Variants in MTMR8 observed in about 807,000 individuals in gnomAD.
MTMR8 encodes the protein phosphatidylinositol-3,5-bisphosphate 3-phosphatase MTMR8.
In MTMR8, 65 loss-of-function variants were observed where a neutral mutation model predicts 39.3. The observed-to-expected ratio is 1.65, with a 90% CI of 1.35 to 2.03. MTMR8 has a LOEUF of 2.03. Among genes scored for constraint, MTMR8 ranks in the 30% most tolerant of loss-of-function variants. MTMR8 has a pLI of 0.00. For missense variants in MTMR8, 777 were observed against 538.9 expected (o/e 1.44, Z -4.37); for synonymous variants, 245 against 185.2 (o/e 1.32, Z -2.62).
chrX:64,344,307 G>A (rs1174291009), intron 7 of MTMR8, among the ~76,000 whole-genome samples: 1 of 111,872 alleles, frequency 8.9e-6, no homozygotes, highest in Non-Finnish European at 1.9e-5. Flanking sequence ...TATTTTAAAA[G>A]GGATGCAGAC....
chrX:64,372,597 G>A (rs1924156751), intron 1 of MTMR8, among the ~76,000 whole-genome samples: 1 of 111,419 alleles, frequency 9.0e-6, no homozygotes, highest in Admixed American at 9.6e-5. Context: ...TTTGAGATTG[G>A]CCTTATTCAC....
At chrX:64,378,403 T>C (rs1205060123) in intron 1 of MTMR8, among the ~76,000 whole-genome samples, 1 of 111,258 alleles carries the variant, frequency 9.0e-6, no homozygotes, top group Non-Finnish European at 1.9e-5. Flanking sequence ...TAACTTTTTG[T>C]AGAGAAAAGT....
chrX:64,294,751 A>T (rs1191608117), intron 12 of MTMR8, among the ~76,000 whole-genome samples: 1 of 111,576 alleles, frequency 9.0e-6, no homozygotes, highest in African/African-American at 3.3e-5. Context: ...GAAGGAGAAA[A>T]CAATGTCTCT....
chrX:64,351,641 A>G (rs1251422808), intron 4 of MTMR8, among the ~76,000 whole-genome samples: 1 of 111,733 alleles, frequency 8.9e-6, no homozygotes, highest in East Asian at 2.8e-4. Flanking sequence ...CAAAACCTCT[A>G]AAGTAGGGAA....
chrX:64,382,230 C>T (rs772345533), intron 1 of MTMR8, among the ~76,000 whole-genome samples: 1 of 111,742 alleles, frequency 8.9e-6, no homozygotes, highest in South Asian at 3.8e-4. Flanking sequence ...TCCTCCTGCC[C>T]GTGAGCATGG....
At chrX:64,304,921 TATATACAC>T (rs1258299812) in intron 12 of MTMR8, 4 of 86,319 alleles carry the variant, frequency 4.6e-5, no homozygotes, top group Non-Finnish European at 6.9e-5. Flanking sequence ...CATACATATA[TATATACAC>T]ATATACACAC....
At chrX:64,296,102 C>T (rs959650921) in intron 12 of MTMR8, among the ~76,000 whole-genome samples, 1 of 111,952 alleles carries the variant, frequency 8.9e-6, no homozygotes, top group Non-Finnish European at 1.9e-5. Context: ...TATATCCATA[C>T]AATAGAATAT....
intron 1 of MTMR8, among the ~76,000 whole-genome samples, chrX:64,373,113 T>G (rs1240366813): frequency 8.9e-6 from 1 of 112,202 alleles, no homozygotes; most frequent in Non-Finnish European, 1.9e-5. Context: ...TAATTCCATT[T>G]CATATATGTG....
chrX:64,332,909 C>T (rs1183490138), intron 10 of MTMR8, among the ~76,000 whole-genome samples: 1 of 111,582 alleles, frequency 9.0e-6, no homozygotes, highest in Non-Finnish European at 1.9e-5. Context: ...GGCTGCTCAT[C>T]TTCTTAACTC....
chrX:64,360,292 G>A (rs1226992107), intron 1 of MTMR8: 8 of 244,525 alleles, frequency 3.3e-5, no homozygotes, highest in South Asian at 1.3e-4. Flanking sequence ...ATACAGTCTC[G>A]AACTATATCA....
At chrX:64,317,419 C>T (rs936445477) in intron 12 of MTMR8, among the ~76,000 whole-genome samples, 1 of 111,331 alleles carries the variant, frequency 9.0e-6, no homozygotes, top group African/African-American at 3.3e-5. Context: ...AGACTGGGTA[C>T]TTTCTATTTT....
intron 12 of MTMR8, among the ~76,000 whole-genome samples, chrX:64,319,453 G>A (rs1033895673): frequency 2.7e-5 from 3 of 112,194 alleles, no homozygotes; most frequent in Non-Finnish European, 5.6e-5. Flanking sequence ...ATTGCACTTG[G>A]TGTTTTAGAT....
chrX:64,348,071 G>C (rs5964355), intron 6 of MTMR8, among the ~76,000 whole-genome samples: 26,533 of 110,972 alleles, frequency 0.24, 7,568 homozygotes, highest in African/African-American at 0.82. Flanking sequence ...TCTCTGGGAC[G>C]AAGATTTAAA....
At chrX:64,336,896 T>C (rs1002231293) in intron 9 of MTMR8, among the ~76,000 whole-genome samples, 4 of 112,340 alleles carry the variant, frequency 3.6e-5, no homozygotes, top group South Asian at 3.6e-4. Flanking sequence ...TAAGAGGCTT[T>C]AGATTCAGCA....
chrX:64,357,974 G>A (rs1178509749), intron 2 of MTMR8, among the ~76,000 whole-genome samples: 1 of 111,215 alleles, frequency 9.0e-6, no homozygotes, highest in Non-Finnish European at 1.9e-5. Context: ...GGGTAAATAA[G>A]CCTCCTTTGA....
At chrX:64,308,593 T>C (rs1008698578) in intron 12 of MTMR8, among the ~76,000 whole-genome samples, 1 of 111,471 alleles carries the variant, frequency 9.0e-6, no homozygotes, top group African/African-American at 3.3e-5. Context: ...CCTAATTTTT[T>C]ATTTTCCAAT....
intron 12 of MTMR8, among the ~76,000 whole-genome samples, chrX:64,288,221 G>A (rs1435681919): frequency 3.7e-5 from 4 of 109,367 alleles, no homozygotes; most frequent in African/African-American, 1.3e-4. Flanking sequence ...CTTCTCAAAA[G>A]AAGACATTTA....
rs185366610 is a variant in MTMR8 at position 64,296,467 on chromosome X, T to C, written c.1482-25394A>G. Among the ~76,000 whole-genome samples, 404 of 110,707 alleles carry C rather than the reference T, an allele frequency of 3.6e-3. 1 individual carries two copies. The highest frequency in any genetic ancestry group is 7.3e-3 in the Admixed American group (75 of 10,294). ...GGTTAAAATGGTAAATTTTATGTTATGTATATTTTACAAAAACCAAAACAA... is the reference window on the plus strand; with the variant it reads ...GGTTAAAATGGTAAATTTTATGTTACGTATATTTTACAAAAACCAAAACAA... On this transcript the variant is annotated intron_variant, in intron 12 of 13. Transcript: ENST00000374852.
In MTMR8 at chrX:64,365,307, G is replaced by A. The variant is rs1183171015; in HGVS notation, c.25-5780C>T. Among the ~76,000 whole-genome samples, 3 of 109,710 alleles carry A rather than the reference G, an allele frequency of 2.7e-5. 1 individual carries two copies. The highest frequency in any genetic ancestry group is 3.3e-5 in the African/African-American group (1 of 30,041). ...AAGAACACCACCAAGACACATAATT[G>A]TCAGATTCACCAAGCTCTACATGAA... On this transcript the variant is annotated intron_variant, in intron 1 of 13. Coordinates refer to ENST00000374852, the MANE Select transcript of MTMR8 (RefSeq NM_017677.4).
Sources: allele counts gnomAD v4.1 joint callset (sites outside exome capture counted in the v4.1 genomes callset), GRCh38; gene constraint gnomAD v4.1.1; transcripts MANE v1.5; gene names NCBI Gene and HGNC (gene_info 2026-07-23, HGNC 2026-07-21).